The following RPS6KC1 variants were observed in gnomAD, a reference collection of about 807,000 sequenced individuals.
RPS6KC1 encodes ribosomal protein S6 kinase C1, also known as inactive ribosomal protein S6 kinase delta-1.
Under a neutral mutation model 103.8 loss-of-function variants are expected in RPS6KC1, and 54 were observed. The observed-to-expected ratio is 0.52, with a 90% CI of 0.42 to 0.65. RPS6KC1 has a LOEUF of 0.65. Ranked by LOEUF, RPS6KC1 falls within the 30% of genes least tolerant of loss-of-function variation. The pLI is 0.00. For synonymous variants in RPS6KC1, 439 were observed against 438.7 expected, an observed-to-expected ratio of 1.00 and a Z score of -0.01; for missense variants, 1,151 against 1,253.8, an observed-to-expected ratio of 0.92 and a Z score of 1.24.
the RPS6KC1 span, among the ~76,000 whole-genome samples, chr1:213,753,664 C>T: frequency 6.6e-6 from 1 of 152,144 alleles, no homozygotes; most frequent in Non-Finnish European, 1.5e-5. Context: ...AGCTTCTTTT[C>T]CAGGTACCTG....
At chr1:213,782,635 AGAG>A in the RPS6KC1 span, among the ~76,000 whole-genome samples, 1 of 152,180 alleles carries the variant, frequency 6.6e-6, no homozygotes, top group African/African-American at 2.4e-5. Flanking sequence ...AGAATGAGGA[AGAG>A]GAGGAAGAAG....
intron 8 of RPS6KC1, among the ~76,000 whole-genome samples, chr1:213,194,912 A>C (rs2092883331): frequency 6.6e-6 from 1 of 152,148 alleles, no homozygotes; most frequent in African/African-American, 2.4e-5. Context: ...GATGCCAAAA[A>C]GGTTGGTGAC....
intron 6 of RPS6KC1, among the ~76,000 whole-genome samples, chr1:213,132,178 T>C (rs1288238545): frequency 6.6e-6 from 1 of 152,230 alleles, no homozygotes; most frequent in Non-Finnish European, 1.5e-5. Flanking sequence ...ACTAGACTGC[T>C]ATCTTAAGGA....
chr1:213,557,820 T>C, the RPS6KC1 span, among the ~76,000 whole-genome samples: 5 of 151,618 alleles, frequency 3.3e-5, no homozygotes, highest in East Asian at 3.9e-4. Flanking sequence ...TCCCACTGCA[T>C]CCATCAGACT....
the RPS6KC1 span, among the ~76,000 whole-genome samples, chr1:213,695,063 G>A: frequency 6.6e-6 from 1 of 152,134 alleles, no homozygotes; most frequent in Admixed American, 6.5e-5. Flanking sequence ...CGGAATGTAC[G>A]TTCCGTGAAG....
chr1:213,146,918 G>A (rs139218773), intron 6 of RPS6KC1, among the ~76,000 whole-genome samples: 328 of 152,208 alleles, frequency 2.2e-3, no homozygotes, highest in Middle Eastern at 0.01. Flanking sequence ...ATATCTCATT[G>A]TAGTTTTGAT....
the RPS6KC1 span, among the ~76,000 whole-genome samples, chr1:213,846,376 A>G: frequency 6.6e-6 from 1 of 152,164 alleles, no homozygotes; most frequent in African/African-American, 2.4e-5. Context: ...TCCATACCCA[A>G]TGCGCTCCCC....
the RPS6KC1 span, among the ~76,000 whole-genome samples, chr1:213,414,006 C>T: frequency 6.6e-6 from 1 of 152,202 alleles, no homozygotes. Context: ...CTGTGGTTGA[C>T]CTTACCCAGG....
chr1:213,467,908 G>A, the RPS6KC1 span, among the ~76,000 whole-genome samples: 2 of 152,126 alleles, frequency 1.3e-5, no homozygotes, highest in Non-Finnish European at 2.9e-5. Context: ...CTGTCAATAT[G>A]CATACATTTT....
chr1:213,653,727 G>T, the RPS6KC1 span, among the ~76,000 whole-genome samples: 1 of 152,156 alleles, frequency 6.6e-6, no homozygotes. Context: ...TGGTTGTAAC[G>T]CTTGTTCTGG....
chr1:213,444,632 C>T, the RPS6KC1 span, among the ~76,000 whole-genome samples: 1 of 150,324 alleles, frequency 6.7e-6, no homozygotes, highest in Non-Finnish European at 1.5e-5. Flanking sequence ...TGGTGTGCAC[C>T]TGTAATTCCA....
chr1:213,563,946 T>C, the RPS6KC1 span, among the ~76,000 whole-genome samples: 1 of 150,762 alleles, frequency 6.6e-6, no homozygotes, highest in Admixed American at 6.6e-5. Flanking sequence ...TTTACTCAAA[T>C]GTTTACCAAG....
the RPS6KC1 span, among the ~76,000 whole-genome samples, chr1:213,544,232 A>G: frequency 6.6e-6 from 1 of 152,130 alleles, no homozygotes; most frequent in Non-Finnish European, 1.5e-5. Context: ...AAGGCGAGAG[A>G]ATCCTTCTGC....
At chr1:213,253,268 G>T (rs1049798866) in intron 12 of RPS6KC1, among the ~76,000 whole-genome samples, 1 of 152,180 alleles carries the variant, frequency 6.6e-6, no homozygotes, top group African/African-American at 2.4e-5. Flanking sequence ...AGTGAAGAAT[G>T]AGATGATCTA....
At chr1:213,687,505 A>G in the RPS6KC1 span, among the ~76,000 whole-genome samples, 1 of 152,124 alleles carries the variant, frequency 6.6e-6, no homozygotes, top group Non-Finnish European at 1.5e-5. Context: ...TATCACATAC[A>G]TTTACATTTA....
At chr1:213,428,390 CCT>C in the RPS6KC1 span, among the ~76,000 whole-genome samples, 1 of 150,786 alleles carries the variant, frequency 6.6e-6, no homozygotes, top group African/African-American at 2.4e-5. Flanking sequence ...TTTTTACCTC[CCT>C]CTCTCTCCAC....
At chr1:213,355,089 A>G in the RPS6KC1 span, among the ~76,000 whole-genome samples, 562 of 152,230 alleles carry the variant, frequency 3.7e-3, 1 homozygote, top group Non-Finnish European at 5.8e-3. Flanking sequence ...GTGGTGGCGT[A>G]TGCCTATAAT....
the RPS6KC1 span, among the ~76,000 whole-genome samples, chr1:213,509,631 A>T: frequency 1.4e-4 from 21 of 152,328 alleles, no homozygotes; most frequent in African/African-American, 5.1e-4. Context: ...CTCAGTCAAC[A>T]GAGTCAAATA....
the RPS6KC1 span, among the ~76,000 whole-genome samples, chr1:213,500,349 A>T: frequency 6.6e-6 from 1 of 152,164 alleles, no homozygotes; most frequent in Non-Finnish European, 1.5e-5. Flanking sequence ...AATAGCACTA[A>T]CGGCGCGGCC....
Sources: gnomAD v4.1 joint callset for allele counts (sites outside exome capture counted in the v4.1 genomes callset) on GRCh38, gnomAD v4.1.1 for gene constraint, MANE v1.5 for transcripts, NCBI Gene and HGNC (gene_info 2026-07-23, HGNC 2026-07-21) for gene names.